The following BDP1 variants were observed in gnomAD, a reference collection of about 807,000 sequenced individuals.
The protein encoded by BDP1 is BDP1 general transcription factor IIIB subunit, also known as transcription factor TFIIIB component B'' homolog.
A neutral mutation model predicts 266.6 loss-of-function variants in BDP1; 169 were observed. That is an observed-to-expected ratio of 0.63 (90% CI 0.56 to 0.72). BDP1 has a LOEUF of 0.72. Among genes scored for constraint, BDP1 ranks in the 30% least tolerant of loss-of-function variants. The probability of loss-of-function intolerance (pLI) is 0.00; values close to 1 mark genes in which losing one functional copy is unlikely to be tolerated. For synonymous variants in BDP1, 1,090 were observed against 1,022.4 expected (o/e 1.07, Z -1.26); for missense variants, 3,015 against 3,053.8 (o/e 0.99, Z 0.30).
At chr5:71,562,134 G>A in intron 37 of BDP1, 140 bp from the exon 38 acceptor site, 1 of 660,864 alleles carries the variant, frequency 1.5e-6, no homozygotes, top group African/African-American at 1.9e-5. Flanking sequence ...GGAGGTGGAG[G>A]TTGCAGTGAG....
At chr5:71,467,533 G>A in intron 6 of BDP1, 46 bp downstream of exon 6, 3 of 1,463,136 alleles carry the variant, frequency 2.1e-6, no homozygotes, top group South Asian at 2.4e-5. Flanking sequence ...TATTTGAAAT[G>A]AATTGACTGT....
chr5:71,549,277 G>T, intron 33 of BDP1, 143 bp from the exon 34 acceptor site: 1 of 696,188 alleles, frequency 1.4e-6, no homozygotes. Flanking sequence ...CCTCAGGCTG[G>T]GGGGTTGTTG....
rs757726811 is a variant in BDP1 at position 71,455,927 on chromosome 5, T to C, written c.50T>C (p.Val17Ala). ...GTGAAGCCGAATGTCAGGCCTGGTG[T>C]AGGCGCCAGGGGCTCCACAGCTTCC... is the stretch of plus-strand genomic sequence containing the variant. The part of the protein sequence containing the change: ...LSVKPNVRPG[V>A]GARGSTASNP... Residue 17 changes from valine to alanine, a missense_variant, in exon 1 of 39, where the codon GTA becomes GCA. Transcript: ENST00000358731. 6.8e-6 allele frequency: 11 copies of C among 1,610,762 alleles called. No homozygotes were observed. The highest frequency in any genetic ancestry group is 8.5e-6 in the Non-Finnish European group (10 of 1,178,798).
At chr5:71,548,085 C>A (rs1742469389) in intron 32 of BDP1, among the ~76,000 whole-genome samples, 1 of 151,970 alleles carries the variant, frequency 6.6e-6, no homozygotes, top group South Asian at 2.1e-4. Context: ...GAGTTTGAGA[C>A]CAGCCTGGGC....
chr5:71,558,897 T>C lies in BDP1; in HGVS notation c.7241-1085T>C, dbSNP rs376483363. Among the ~76,000 whole-genome samples, 49 of 151,468 alleles carry C rather than the reference T, an allele frequency of 3.2e-4. No individual in the cohort carries two copies. In the East Asian group the frequency reaches 6.8e-3, roughly 21 times the overall value. ...GGCTGAGCACAGTGGCTCACACCTA[T>C]AATCCCAGCACTTTGGGTTGCCAAA... On this transcript the variant is annotated intron_variant, in intron 36 of 38. Coordinates refer to ENST00000358731, the MANE Select transcript of BDP1 (RefSeq NM_018429.3).
chr5:71,500,394 G>A (rs1485411806), intron 13 of BDP1, among the ~76,000 whole-genome samples: 3 of 138,272 alleles, frequency 2.2e-5, no homozygotes, highest in East Asian at 2.1e-4. Context: ...GTGTGATTTC[G>A]GCTCACAGCA....
Position 71,522,918 on chromosome 5 carries a change from G to A in BDP1, c.5356G>A (p.Val1786Ile). The A allele has an allele frequency of 6.2e-7, 1 of 1,601,950 alleles. No homozygotes were observed. Among genetic ancestry groups the A allele is most frequent in the Non-Finnish European group, 8.5e-7 (1 of 1,175,944 alleles). ...TVGDNSPSSV[V>I]EEQYLNKLTS... ...AGGAGATAATTCACCATCTTCAGTT[G>A]TTGAAGAGCAATATCTCAATAAACT... Residue 1786 changes from valine to isoleucine, a missense_variant, in exon 24 of 39, where the codon GTT (valine) becomes ATT (isoleucine). By Grantham distance (29) the Val-to-Ile change is conservative (BLOSUM62 3). Transcript: ENST00000358731.
At chr5:71,495,516 T>C (rs1763831899) in intron 12 of BDP1, 108 bp downstream of exon 12, 5 of 617,642 alleles carry the variant, frequency 8.1e-6, no homozygotes, top group Middle Eastern at 4.3e-4. Flanking sequence ...ATACATACTT[T>C]ATTAATAGTA....
the BDP1 span, among the ~76,000 whole-genome samples, chr5:71,578,045 C>G: frequency 6.6e-6 from 1 of 152,096 alleles, no homozygotes; most frequent in South Asian, 2.1e-4. Flanking sequence ...CTGTGCCTGC[C>G]CAGAAGGTTT....
In BDP1 at chr5:71,478,548, G is replaced by T. The variant is rs190452029; in HGVS notation, c.1015-5294G>T. Among the ~76,000 whole-genome samples, 899 of 152,196 alleles carry T rather than the reference G, an allele frequency of 5.9e-3. 8 individuals are homozygous for T. The highest frequency in any genetic ancestry group is 9.9e-3 in the Non-Finnish European group (672 of 68,006). ...AGTTTTTTCTTTTTGGTCTTTTAAA[G>T]ATGTCATTGTATCGTCTCCTGGCTT... On this transcript the variant is annotated intron_variant, in intron 7 of 38. Transcript: ENST00000358731.
chr5:71,464,887 T>G (rs1761808512), intron 4 of BDP1, among the ~76,000 whole-genome samples: 1 of 151,232 alleles, frequency 6.6e-6, no homozygotes, highest in Admixed American at 6.6e-5. Flanking sequence ...CCCAGCTAAT[T>G]TTTGTATTTT....
At chr5:71,561,315 C>T (rs1224647731) in intron 37 of BDP1, among the ~76,000 whole-genome samples, 3 of 152,014 alleles carry the variant, frequency 2.0e-5, no homozygotes, top group Admixed American at 1.3e-4. Flanking sequence ...GCAGGAGAAT[C>T]GCTTGAACCC....
At position 71,515,011 on chromosome 5, in the gene BDP1, T is replaced by C. The variant is rs373302315; in HGVS notation, c.4538T>C (p.Ile1513Thr). ...TLGHRNEEAVILPCTQTERNL... is the reference protein window; with the variant it reads ...TLGHRNEEAVTLPCTQTERNL... ...GGTCACAGGAATGAGGAGGCTGTGA[T>C]ATTGCCATGTACACAGACTGAAAGG... is the stretch of plus-strand genomic sequence containing the variant. Residue 1513 changes from isoleucine (I) to threonine (T), a missense_variant, in exon 20 of 39, where the codon ATA (isoleucine) becomes ACA (threonine). Physicochemically the swap from Ile to Thr is moderately conservative, Grantham distance 89. This residue lies in a region of BDP1 where 2,383 missense variants were observed against 2,404.9 expected (regional missense o/e 0.99). Coordinates refer to ENST00000358731, the MANE Select transcript of BDP1 (RefSeq NM_018429.3). The C allele has an allele frequency of 5.4e-5, 87 of 1,612,846 alleles. No homozygotes were observed. Among genetic ancestry groups the C allele is most frequent in the Non-Finnish European group, 7.0e-5 (83 of 1,179,394 alleles).
chr5:71,560,319 C>G, intron 37 of BDP1, 82 bp downstream of exon 37: 7 of 1,395,066 alleles, frequency 5.0e-6, no homozygotes, highest in Non-Finnish European at 6.8e-6. Context: ...AGATCCAGTA[C>G]TAAGGATGGT....
chr5:71,516,376 C>A (rs1765223514), intron 21 of BDP1, 105 bp downstream of exon 21: 1 of 806,954 alleles, frequency 1.2e-6, no homozygotes, highest in Non-Finnish European at 1.9e-6. Context: ...ACTTATTCTA[C>A]TCAATGAATA....
rs538484162 is a variant in BDP1 at position 71,550,311 on chromosome 5, G to A, written c.6995+705G>A. On this transcript the variant is annotated intron_variant, in intron 34 of 38. Transcript: ENST00000358731. The stretch of plus-strand genomic sequence containing the variant: ...GGAGGCAGGAGAACCACTTGAACCC[G>A]GGAGGTGGAAGTTGCAGTGAGCTGA... Among the ~76,000 whole-genome samples, 6 of 152,194 alleles carry A rather than the reference G, an allele frequency of 3.9e-5. No individual in the cohort carries two copies. In the South Asian group the frequency reaches 6.2e-4, roughly 16 times the overall value.
Position 71,501,622 on chromosome 5 carries a change from A to G in BDP1, c.2017A>G (p.Arg673Gly). The change falls in exon 14 of 39, where the codon AGA becomes GGA. Residue 673 changes from arginine (R) to glycine (G), a missense_variant. By Grantham distance (125) the Arg-to-Gly change is moderately radical. This residue lies in a region of BDP1 where 2,383 missense variants were observed against 2,404.9 expected (regional missense o/e 0.99). Coordinates refer to ENST00000358731, the MANE Select transcript of BDP1 (RefSeq NM_018429.3). ...LDILRMETTE[R>G]ENPEAETVSV... ...CATTTTGAGAATGGAGACTACAGAG[A>G]GAGAGAATCCAGAAGCTGAAACTGT... 3 of 1,599,858 alleles carry G rather than the reference A, an allele frequency of 1.9e-6. No homozygotes were observed. The highest frequency in any genetic ancestry group is 2.6e-6 in the Non-Finnish European group (3 of 1,168,190).
intron 19 of BDP1, 42 bp from the exon 20 acceptor site, chr5:71,514,902 A>T: frequency 7.2e-7 from 1 of 1,387,304 alleles, no homozygotes; most frequent in Non-Finnish European, 9.9e-7. Flanking sequence ...ATTTCCTTAT[A>T]CTTTTAGCAA....
rs532966998 is a variant in BDP1, at chr5:71,472,289, C to T, written c.1014+1800C>T. On this transcript the variant is annotated intron_variant, in intron 7 of 38. Transcript: ENST00000358731. The stretch of plus-strand genomic sequence containing the variant: ...CAGCCAGGCCAACATGGTGAAACCC[C>T]GTCTCTACTAAAAATACAAAAATTA... 4.6e-5 allele frequency among the ~76,000 whole-genome samples: 7 copies of T among 152,192 alleles called. No individual in the cohort carries two copies. In the East Asian group the frequency reaches 5.8e-4, roughly 13 times the overall value.
Sources: allele counts gnomAD v4.1 joint callset (sites outside exome capture counted in the v4.1 genomes callset), GRCh38; gene constraint gnomAD v4.1.1; regional missense constraint gnomAD v4.1.1; transcripts MANE v1.5; gene names NCBI Gene and HGNC (gene_info 2026-07-23, HGNC 2026-07-21).